Variants in GRID2 observed in about 807,000 individuals in gnomAD.
GRID2 encodes the protein glutamate ionotropic receptor delta type subunit 2.
Under a neutral mutation model 114.8 loss-of-function variants are expected in GRID2, and 33 were observed. The ratio of observed to expected loss-of-function variants is 0.29; its 90% confidence interval spans 0.22 to 0.38. The LOEUF is 0.38. Among genes scored for constraint, GRID2 ranks in the 10% least tolerant of loss-of-function variants. The probability of loss-of-function intolerance (pLI) is 1.00; values close to 1 mark genes in which losing one functional copy is unlikely to be tolerated. For missense variants in GRID2, 1,184 were observed against 1,257.7 expected (o/e 0.94, Z 0.89); for synonymous variants, 505 against 449.9 (o/e 1.12, Z -1.55).
chr4:93,613,583 A>C lies in GRID2; in HGVS notation c.2194-12686A>C, dbSNP rs747389608. Among the ~76,000 whole-genome samples, 316 of 101,224 alleles carry C rather than the reference A, an allele frequency of 3.1e-3. 16 individuals are homozygous for C. The highest frequency in any genetic ancestry group is 8.0e-3 in the South Asian group (20 of 2,500). 66.4% of individuals were successfully genotyped at this position (101,224 alleles called of 152,430 possible). ...GGAATACCCTGCCGTGTGAGGTGTCAGTGTGCCCCTGCTGGGGGGTGCCTC... is the reference window on the plus strand; with the variant it reads ...GGAATACCCTGCCGTGTGAGGTGTCCGTGTGCCCCTGCTGGGGGGTGCCTC... On this transcript the variant is annotated intron_variant, in intron 13 of 15. Transcript: ENST00000282020.
chr4:92,321,305 AAAG>A (rs1262200639), intron 1 of GRID2, among the ~76,000 whole-genome samples: 3 of 152,156 alleles, frequency 2.0e-5, no homozygotes, highest in African/African-American at 7.2e-5. Flanking sequence ...TCTGATAAGA[AAAG>A]ACATTTGCAA....
intron 3 of GRID2, among the ~76,000 whole-genome samples, chr4:93,091,355 G>A (rs1730773485): frequency 6.6e-6 from 1 of 152,068 alleles, no homozygotes; most frequent in African/African-American, 2.4e-5. Context: ...TAAAAGAATG[G>A]CGATCAAGTC....
chr4:92,664,544 T>C (rs983062497), intron 2 of GRID2, among the ~76,000 whole-genome samples: 6 of 151,164 alleles, frequency 4.0e-5, no homozygotes, highest in African/African-American at 4.8e-5. Context: ...TCATGTTCTT[T>C]ATATGTCTGT....
chr4:92,310,648 AAATCTC>A (rs968803186), intron 1 of GRID2, among the ~76,000 whole-genome samples: 2 of 152,074 alleles, frequency 1.3e-5, no homozygotes, highest in African/African-American at 4.8e-5. Flanking sequence ...GTATTGGACT[AAATCTC>A]AATTTATAAA....
chr4:93,797,849 A>AG (rs1256543875), intron 1 of GRID2, among the ~76,000 whole-genome samples: 20 of 151,426 alleles, frequency 1.3e-4, no homozygotes, highest in African/African-American at 4.6e-4. Context: ...GATGAAAAAA[A>AG]AAAAAAAAAA....
rs1409804820 is a variant in GRID2 at position 93,035,105 on chromosome 4, CT to C, written c.245-49874del. Among the ~76,000 whole-genome samples the C allele has an allele frequency of 6.8e-3, 921 of 136,188 alleles. 11 individuals carry two copies. Among genetic ancestry groups the C allele is most frequent in the African/African-American group, 0.018 (671 of 36,594 alleles). The allele number at this position is 136,188 out of a possible 152,430, so 89.3% of individuals were successfully genotyped here. ...TTCTTTTAATCCCTATCACTGTCTGCTTTTTTTTTTTTTTTTCTGAGGCAGA... is the reference window on the plus strand; with the variant it reads ...TTCTTTTAATCCCTATCACTGTCTGCTTTTTTTTTTTTTTTCTGAGGCAGA... On this transcript the variant is annotated intron_variant, in intron 2 of 15. Transcript: ENST00000282020.
chr4:93,055,737 T>TA (rs940053617), intron 2 of GRID2, among the ~76,000 whole-genome samples: 28 of 151,840 alleles, frequency 1.8e-4, no homozygotes, highest in South Asian at 4.1e-4. Context: ...TCTCTGGAAG[T>TA]AAAAAAACAA....
At chr4:93,775,144 T>TA (rs566720059), downstream of GRID2, among the ~76,000 whole-genome samples, 107,314 of 142,920 alleles carry the variant, frequency 0.75, 41,496 homozygotes, top group East Asian at 0.94. Flanking sequence ...CATAATTTAC[T>TA]AAAAAAAAAA....
intron 1 of GRID2, among the ~76,000 whole-genome samples, chr4:92,366,872 A>C (rs1728895224): frequency 6.6e-6 from 1 of 152,072 alleles, no homozygotes; most frequent in Admixed American, 6.6e-5. Context: ...AAGAAACAAT[A>C]AAATAAGACA....
chr4:92,953,388 G>A lies in GRID2; in HGVS notation c.245-131607G>A, dbSNP rs145989661. Reference sequence around the variant, plus strand: ...GCATATAATGTATCTTTAGATGATAGTCTACTATAAATGTTGATGCTCTTA... The same window carrying A: ...GCATATAATGTATCTTTAGATGATAATCTACTATAAATGTTGATGCTCTTA... On this transcript the variant is annotated intron_variant, in intron 2 of 15. Coordinates refer to ENST00000282020, the MANE Select transcript of GRID2 (RefSeq NM_001510.4). Among the ~76,000 whole-genome samples, 66 of 152,246 alleles carry A rather than the reference G, an allele frequency of 4.3e-4. No individual in the cohort carries two copies. The East Asian group carries it at 7.5e-3, about 17-fold the overall frequency.
chr4:93,756,455 T>C (rs1165906712), intron 14 of GRID2, among the ~76,000 whole-genome samples: 1 of 152,192 alleles, frequency 6.6e-6, no homozygotes, highest in Non-Finnish European at 1.5e-5. Context: ...AGGACCAAGA[T>C]CAAGCAAGGT....
At chr4:93,492,749 T>C (rs1446064852) in intron 12 of GRID2, among the ~76,000 whole-genome samples, 1 of 151,818 alleles carries the variant, frequency 6.6e-6, no homozygotes, top group Non-Finnish European at 1.5e-5. Context: ...AAATAAAAAT[T>C]GTACATATTT....
intron 2 of GRID2, among the ~76,000 whole-genome samples, chr4:93,055,923 C>CT (rs1355315573): frequency 6.6e-6 from 1 of 151,898 alleles, no homozygotes; most frequent in East Asian, 1.9e-4. Flanking sequence ...AAAGAACCCC[C>CT]TTTATGCTCC....
chr4:92,575,486 GA>G (rs1430410387), intron 1 of GRID2, among the ~76,000 whole-genome samples: 5 of 152,068 alleles, frequency 3.3e-5, no homozygotes, highest in African/African-American at 1.2e-4. Context: ...CTGACTTTTC[GA>G]TGGGTTTTTT....
chr4:93,677,851 A>G (rs1233428480), intron 14 of GRID2, among the ~76,000 whole-genome samples: 1 of 152,180 alleles, frequency 6.6e-6, no homozygotes, highest in African/African-American at 2.4e-5. Flanking sequence ...CAGAAAAACT[A>G]GAAACTGTAA....
intron 8 of GRID2, among the ~76,000 whole-genome samples, chr4:93,339,375 G>A (rs1759413516): frequency 6.6e-6 from 1 of 152,118 alleles, no homozygotes; most frequent in Admixed American, 6.6e-5. Flanking sequence ...ACCCACTGAC[G>A]ACAGAGACAC....
At chr4:92,712,758 T>C (rs1213019601) in intron 2 of GRID2, among the ~76,000 whole-genome samples, 1 of 152,116 alleles carries the variant, frequency 6.6e-6, no homozygotes. Context: ...AGGTAATCAT[T>C]AATATTTCTG....
chr4:93,133,057 G>A (rs957377159), intron 4 of GRID2, among the ~76,000 whole-genome samples: 10 of 152,078 alleles, frequency 6.6e-5, no homozygotes, highest in African/African-American at 1.7e-4. Context: ...GAGACATTAA[G>A]GGATTTGTAT....
chr4:93,411,194 C>T (rs1233758835), intron 9 of GRID2, among the ~76,000 whole-genome samples: 1 of 152,138 alleles, frequency 6.6e-6, no homozygotes, highest in African/African-American at 2.4e-5. Flanking sequence ...AACTTAACTA[C>T]ATTTCCTTAT....
Sources: allele counts gnomAD v4.1 joint callset (sites outside exome capture counted in the v4.1 genomes callset), GRCh38; gene constraint gnomAD v4.1.1; transcripts MANE v1.5; gene names NCBI Gene and HGNC (gene_info 2026-07-23, HGNC 2026-07-21).